The following COL6A1 variants were observed in gnomAD, a reference collection of about 807,000 sequenced individuals.
The protein encoded by COL6A1 is collagen type VI alpha 1 chain, also known as collagen alpha-1(VI) chain.
A neutral mutation model predicts 145.6 loss-of-function variants in COL6A1; 80 were observed. The observed-to-expected ratio is 0.55, with a 90% CI of 0.46 to 0.66. The LOEUF is 0.66. Among genes scored for constraint, COL6A1 ranks in the 30% least tolerant of loss-of-function variants. The pLI is 0.00. For synonymous variants in COL6A1, 638 were observed against 622.8 expected (o/e 1.02, Z -0.36); for missense variants, 1,364 against 1,473.8 (o/e 0.93, Z 1.22).
rs2236487 is a variant in COL6A1 at position 46,002,765 on chromosome 21, G to A, written c.2434+55G>A. On this transcript the variant is annotated intron_variant, in intron 33 of 34. Transcript: ENST00000361866. ...GATCTGCGTAGGTGCGCGCGGGGCCGCCCGGGCAGTCCCAGATCTGCGTAG... is the reference window on the plus strand; with the variant it reads ...GATCTGCGTAGGTGCGCGCGGGGCCACCCGGGCAGTCCCAGATCTGCGTAG... The A allele has an allele frequency of 0.34, 508,098 of 1,487,522 alleles. 96,005 individuals carry two copies. The highest frequency in any genetic ancestry group is 0.62 in the East Asian group (26,994 of 43,206). 92.1% of individuals were successfully genotyped at this position (1,487,522 alleles called of 1,614,324 possible). A position where few individuals can be genotyped will look rare whatever the true frequency, so the allele number is the denominator to read the frequency against.
At position 45,987,529 on chromosome 21, in the gene COL6A1, C is replaced by T. The variant is rs1569517929; in HGVS notation, c.759+10C>T. 8.1e-6 allele frequency: 13 copies of T among 1,612,444 alleles called. No individual in the cohort carries two copies. Among genetic ancestry groups the T allele is most frequent in the East Asian group, 2.2e-5 (1 of 44,880 alleles). On this transcript the variant is annotated intron_variant, in intron 7 of 34. Transcript: ENST00000361866. The stretch of plus-strand genomic sequence containing the variant: ...CTCCTTCGAATGCCAGGTGAGTGTG[C>T]CCCCCGACCCCTGACCCCGCGCCCT...
chr21:45,996,607 C>T (rs1019663754), intron 20 of COL6A1, among the ~76,000 whole-genome samples: 1 of 152,332 alleles, frequency 6.6e-6, no homozygotes, highest in African/African-American at 2.4e-5. Flanking sequence ...GGACAGGCGT[C>T]CGACCAGGCT....
At chr21:45,986,420 C>T (rs908178689) in intron 3 of COL6A1, 106 bp from the exon 4 acceptor site, 40 of 1,107,498 alleles carry the variant, frequency 3.6e-5, no homozygotes, top group East Asian at 3.4e-4. Context: ...CAAAGAGAGG[C>T]GGCTCCTCCC....
intron 24 of COL6A1, 72 bp downstream of exon 24, chr21:45,998,505 A>T: frequency 6.3e-7 from 1 of 1,584,280 alleles, no homozygotes; most frequent in Non-Finnish European, 8.7e-7. Flanking sequence ...CGCACGTGTG[A>T]ACACACATGT....
rs535734212 is a variant in COL6A1 at position 46,004,355 on chromosome 21, C to T, written c.*342C>T. 8 of 418,328 alleles carry T rather than the reference C, an allele frequency of 1.9e-5. 1 individual carries two copies. Among genetic ancestry groups the T allele is most frequent in the Admixed American group, 8.1e-5 (2 of 24,766 alleles). 25.9% of individuals were successfully genotyped at this position (418,328 alleles called of 1,614,324 possible). Reference sequence around the variant, plus strand: ...CTGGCCTCACCTGGGTTCCCCACCCCGGGCTCTCCTGCCCTGCCCTCCTGC... The same window carrying T: ...CTGGCCTCACCTGGGTTCCCCACCCTGGGCTCTCCTGCCCTGCCCTCCTGC... On this transcript the variant is annotated 3_prime_UTR_variant, in exon 35 of 35. Coordinates refer to ENST00000361866, the MANE Select transcript of COL6A1 (RefSeq NM_001848.3).
rs1261306961 is a variant in COL6A1, at chr21:45,987,522, G to A, written c.759+3G>A. ...AGTGCTGCTCCTTCGAATGCCAGGTGAGTGTGCCCCCCGACCCCTGACCCC... is the reference window on the plus strand; with the variant it reads ...AGTGCTGCTCCTTCGAATGCCAGGTAAGTGTGCCCCCCGACCCCTGACCCC... On this transcript the variant is annotated splice_donor_region_variant and intron_variant, in intron 7 of 34. Coordinates refer to ENST00000361866, the MANE Select transcript of COL6A1 (RefSeq NM_001848.3). 6.2e-7 allele frequency: 1 copy of A among 1,613,016 alleles called. No individual in the cohort carries two copies. Among genetic ancestry groups the A allele is most frequent in the Admixed American group, 1.7e-5 (1 of 60,026 alleles).
Position 45,992,405 on chromosome 21 carries a change from G to T in COL6A1, c.1272+7G>T, listed in dbSNP as rs1186411446. On this transcript the variant is annotated splice_region_variant and intron_variant, in intron 18 of 34. Coordinates refer to ENST00000361866, the MANE Select transcript of COL6A1 (RefSeq NM_001848.3). ...CGGTGCCCCCGGGGAGCGGGTGAGT[G>T]GGGCAGGGGCAGCCTGCGCTGTTGG... The T allele has an allele frequency of 6.2e-7, 1 of 1,612,150 alleles. No individual in the cohort carries two copies. The highest frequency in any genetic ancestry group is 2.2e-5 in the East Asian group (1 of 44,878).
At chr21:46,002,796 C>G in intron 33 of COL6A1, 86 bp downstream of exon 33, 9 of 1,436,494 alleles carry the variant, frequency 6.3e-6, no homozygotes, top group African/African-American at 1.4e-5. Context: ...CGTAGGTGCA[C>G]GCGGGGCCGC....
chr21:45,987,049 A>C lies in COL6A1; in HGVS notation c.694A>C (p.Ile232Leu). The C allele has an allele frequency of 6.4e-7, 1 of 1,553,748 alleles. No homozygotes were observed. Among genetic ancestry groups the C allele is most frequent in the Non-Finnish European group, 8.7e-7 (1 of 1,148,990 alleles). Reference protein sequence around the residue: ...RDAEEAISQTIDTIVDMIKNN... With the variant: ...RDAEEAISQTLDTIVDMIKNN... ...CGCAGAGGAGGCCATCAGCCAGACC[A>C]TCGACACCATCGTGGACATGATCGT... Residue 232 changes from isoleucine to leucine, a missense_variant, in exon 5 of 35, where the codon ATC becomes CTC. Transcript: ENST00000361866.
At chr21:45,999,737 T>C (rs1218746204) in intron 27 of COL6A1, 45 bp downstream of exon 27, 1 of 1,591,538 alleles carries the variant, frequency 6.3e-7, no homozygotes, top group Non-Finnish European at 8.6e-7. Flanking sequence ...CCACTGTAGC[T>C]TCCATCCCTT....
intron 20 of COL6A1, among the ~76,000 whole-genome samples, chr21:45,996,559 A>G (rs1266401524): frequency 1.3e-5 from 2 of 151,964 alleles, no homozygotes; most frequent in Admixed American, 6.6e-5. Flanking sequence ...CAGCCTAACC[A>G]CAGGCCAGGG....
intron 6 of COL6A1, 102 bp from the exon 7 acceptor site, chr21:45,987,397 G>A (rs1050603903): frequency 1.9e-5 from 30 of 1,550,152 alleles, no homozygotes; most frequent in Non-Finnish European, 2.4e-5. Flanking sequence ...GCGTCCATCC[G>A]TGTGTCCGTC....
chr21:46,000,855 A>G lies in COL6A1; in HGVS notation c.1822+88A>G, dbSNP rs7276782. ...TCCCACACATGTCACAGGACAGCAC[A>G]TGGCACTCTGGTCCCCGCCCGCAGC... On this transcript the variant is annotated intron_variant, in intron 29 of 34. Coordinates refer to ENST00000361866, the MANE Select transcript of COL6A1 (RefSeq NM_001848.3). 0.86 allele frequency: 1,299,357 copies of G among 1,512,034 alleles called. 559,228 individuals are homozygous for G. The highest frequency in any genetic ancestry group is 0.92 in the Admixed American group (55,000 of 59,852). 93.7% of individuals were successfully genotyped at this position (1,512,034 alleles called of 1,614,324 possible). A position where few individuals can be genotyped will look rare whatever the true frequency, so the allele number is the denominator to read the frequency against.
chr21:45,984,923 GACAA>G lies in COL6A1; in HGVS notation c.428+458_428+461del, dbSNP rs564350257. Among the ~76,000 whole-genome samples, 189 of 148,776 alleles carry G rather than the reference GACAA, an allele frequency of 1.3e-3. 3 individuals are homozygous for G. Among genetic ancestry groups the G allele is most frequent in the African/African-American group, 4.3e-3 (167 of 39,202 alleles). On this transcript the variant is annotated intron_variant, in intron 3 of 34. Coordinates refer to ENST00000361866, the MANE Select transcript of COL6A1 (RefSeq NM_001848.3). ...AGACAGAGAGACAGAGACAGAGACA[GACAA>G]ACAGAGACAGAGAGACAGAAACAGG...
At position 45,999,421 on chromosome 21, in the gene COL6A1, G is replaced by A. The variant is rs1444650662; in HGVS notation, c.1740+203G>A. On this transcript the variant is annotated intron_variant, in intron 26 of 34. Transcript: ENST00000361866. ...GCCAGGGCAGCAGAGCCGAGCCCAG[G>A]GACACAGCGGGTCCTCAGGGTGGGG... The A allele has an allele frequency of 9.6e-6, 7 of 731,508 alleles. No homozygotes were observed. In the African/African-American group the frequency reaches 1.0e-4, roughly 11 times the overall value. 45.3% of individuals were successfully genotyped at this position (731,508 alleles called of 1,614,324 possible). A position where few individuals can be genotyped will look rare whatever the true frequency, so the allele number is the denominator to read the frequency against.
intron 2 of COL6A1, among the ~76,000 whole-genome samples, chr21:45,984,017 C>G (rs1267219842): frequency 6.6e-6 from 1 of 152,210 alleles, no homozygotes; most frequent in East Asian, 1.9e-4. Context: ...GGACCCCACC[C>G]CAGCAGGGCC....
intron 18 of COL6A1, 141 bp from the exon 19 acceptor site, chr21:45,992,607 A>T: frequency 9.5e-7 from 1 of 1,053,842 alleles, no homozygotes; most frequent in Non-Finnish European, 1.4e-6. Context: ...GGCCTCTGCA[A>T]CCGTGGGGCA....
At chr21:45,997,964 A>G (rs2077815908) in intron 22 of COL6A1, among the ~76,000 whole-genome samples, 157 bp from the exon 23 acceptor site, 1 of 152,024 alleles carries the variant, frequency 6.6e-6, no homozygotes, top group Non-Finnish European at 1.5e-5. Flanking sequence ...TCCGGGTCCC[A>G]GGGTCCACGG....
intron 11 of COL6A1, 45 bp downstream of exon 11, chr21:45,989,823 G>A (rs768426293): frequency 1.9e-6 from 3 of 1,611,886 alleles, no homozygotes; most frequent in Non-Finnish European, 2.5e-6. Context: ...AGGCGCAGAT[G>A]TGCCATCCTG....
Sources: gnomAD v4.1 joint callset for allele counts (sites outside exome capture counted in the v4.1 genomes callset) on GRCh38, gnomAD v4.1.1 for gene constraint, MANE v1.5 for transcripts, NCBI Gene and HGNC (gene_info 2026-07-23, HGNC 2026-07-21) for gene names.